PARP8: variants seen among roughly 807,000 people sequenced by gnomAD.
The protein encoded by PARP8 is poly(ADP-ribose) polymerase family member 8.
A neutral mutation model predicts 124.1 loss-of-function variants in PARP8; 51 were observed. That is an observed-to-expected ratio of 0.41 (90% CI 0.33 to 0.52). The LOEUF is 0.52. Among genes scored for constraint, PARP8 ranks in the 20% least tolerant of loss-of-function variants. PARP8 has a pLI of 0.21. For missense variants in PARP8, 860 were observed against 1,018.9 expected, an observed-to-expected ratio of 0.84 and a Z score of 2.12; for synonymous variants, 391 against 361.5, an observed-to-expected ratio of 1.08 and a Z score of -0.93.
At chr5:50,670,062 G>A (rs535241658) in intron 2 of PARP8, among the ~76,000 whole-genome samples, 8 of 152,268 alleles carry the variant, frequency 5.3e-5, no homozygotes, top group African/African-American at 1.7e-4. Flanking sequence ...ACCTAATGGC[G>A]AATACCTTTT....
rs10053011 is a variant in PARP8 at position 50,833,911 on chromosome 5, A to G, written c.2308-68A>G. The G allele has an allele frequency of 7.7e-3, 10,432 of 1,350,080 alleles. 334 individuals are homozygous for G. Among genetic ancestry groups the G allele is most frequent in the African/African-American group, 0.074 (5,091 of 69,172 alleles). The allele number at this position is 1,350,080 out of a possible 1,614,324, so 83.6% of individuals were successfully genotyped here. ...CCATCTTAGTGACTATTACTTTTTA[A>G]TGATGAACAGCTTTTTTCACAAAGT... On this transcript the variant is annotated intron_variant, in intron 23 of 25. Transcript: ENST00000281631.
In PARP8 at chr5:50,750,986, A is replaced by G. The variant is rs1158515606; in HGVS notation, c.184+798A>G. Among the ~76,000 whole-genome samples, 4 of 151,900 alleles carry G rather than the reference A, an allele frequency of 2.6e-5. 1 individual carries two copies. The highest frequency in any genetic ancestry group is 4.2e-4 in the South Asian group (2 of 4,812). On this transcript the variant is annotated intron_variant, in intron 3 of 25. Coordinates refer to ENST00000281631, the MANE Select transcript of PARP8 (RefSeq NM_024615.4). ...GATAGTGTAGCATGTTTTTGATGCT[A>G]TGTTTGCCAAGTATGTTATGAAATA...
At chr5:50,730,973 A>AG (rs1756919633) in intron 2 of PARP8, among the ~76,000 whole-genome samples, 1 of 152,206 alleles carries the variant, frequency 6.6e-6, no homozygotes, top group Non-Finnish European at 1.5e-5. Flanking sequence ...ATGTTCAGGA[A>AG]TACTTTGAGC....
chr5:50,668,293 G>A, intron 2 of PARP8, 168 bp downstream of exon 2: 5 of 643,700 alleles, frequency 7.8e-6, no homozygotes, highest in Non-Finnish European at 1.4e-5. Flanking sequence ...ATAGCAGGAG[G>A]AGGGGAATCA....
chr5:50,801,171 G>A (rs1258419147), intron 14 of PARP8, among the ~76,000 whole-genome samples: 3 of 151,784 alleles, frequency 2.0e-5, no homozygotes, highest in Admixed American at 2.0e-4. Flanking sequence ...CATGATCTCG[G>A]CTCACTGCAA....
At chr5:50,723,338 A>G (rs976618710) in intron 2 of PARP8, among the ~76,000 whole-genome samples, 1 of 152,142 alleles carries the variant, frequency 6.6e-6, no homozygotes, top group African/African-American at 2.4e-5. Flanking sequence ...TGTATTCTCT[A>G]CTAGGTATAG....
At chr5:50,706,151 G>A (rs185045281) in intron 2 of PARP8, among the ~76,000 whole-genome samples, 2 of 152,000 alleles carry the variant, frequency 1.3e-5, no homozygotes, top group Admixed American at 6.6e-5. Context: ...TTTAAAATTG[G>A]TATCAGTGTT....
chr5:50,813,061 G>A (rs1017079724), intron 14 of PARP8, among the ~76,000 whole-genome samples: 1 of 152,174 alleles, frequency 6.6e-6, no homozygotes, highest in African/African-American at 2.4e-5. Context: ...GCTTAGGATT[G>A]TCTTAACAAT....
chr5:50,761,003 G>T (rs964900737), intron 5 of PARP8, among the ~76,000 whole-genome samples: 1 of 152,040 alleles, frequency 6.6e-6, no homozygotes, highest in African/African-American at 2.4e-5. Flanking sequence ...TTGAACAAAA[G>T]GATTGCTGAA....
rs754413501 is a variant in PARP8, at chr5:50,826,823, T to G, written c.1977+20T>G. 2 of 1,592,308 alleles carry G rather than the reference T, an allele frequency of 1.3e-6. No individual in the cohort carries two copies. Among genetic ancestry groups the G allele is most frequent in the South Asian group, 2.3e-5 (2 of 85,368 alleles). On this transcript the variant is annotated intron_variant, in intron 19 of 25. Coordinates refer to ENST00000281631, the MANE Select transcript of PARP8 (RefSeq NM_024615.4). ...AACAGGGTAAGTTGTTTTTTTTTTT[T>G]TTACATATGCATACAGAAATGGGAG...
At chr5:50,825,383 T>C (rs1022913443) in intron 18 of PARP8, among the ~76,000 whole-genome samples, 2 of 152,338 alleles carry the variant, frequency 1.3e-5, no homozygotes, top group East Asian at 3.9e-4. Flanking sequence ...AAATAAATGT[T>C]TTATATTTTG....
At chr5:50,672,299 T>C (rs1750119461) in intron 2 of PARP8, among the ~76,000 whole-genome samples, 1 of 152,228 alleles carries the variant, frequency 6.6e-6, no homozygotes. Flanking sequence ...AATTCTCTCC[T>C]ATGCGTTGCA....
chr5:50,718,162 A>G (rs984669560), intron 2 of PARP8, among the ~76,000 whole-genome samples: 17 of 152,034 alleles, frequency 1.1e-4, no homozygotes, highest in African/African-American at 4.1e-4. Context: ...AAATTTCACA[A>G]GTGAAGTTGA....
At chr5:50,718,691 G>A (rs1755566273) in intron 2 of PARP8, among the ~76,000 whole-genome samples, 1 of 151,784 alleles carries the variant, frequency 6.6e-6, no homozygotes, top group East Asian at 1.9e-4. Context: ...TTGTGTATCT[G>A]TACCACATTT....
intron 3 of PARP8, among the ~76,000 whole-genome samples, chr5:50,755,058 T>A (rs978446881): frequency 2.6e-5 from 4 of 152,220 alleles, no homozygotes; most frequent in Non-Finnish European, 4.4e-5. Context: ...TTGTTGGAGT[T>A]CTTTGTAGAT....
At chr5:50,787,789 A>G (rs1357900403) in intron 9 of PARP8, among the ~76,000 whole-genome samples, 1 of 151,336 alleles carries the variant, frequency 6.6e-6, no homozygotes, top group Non-Finnish European at 1.5e-5. Flanking sequence ...GTATATATGT[A>G]TTTTTATATA....
At chr5:50,676,853 T>TAA (rs1554041009) in intron 2 of PARP8, among the ~76,000 whole-genome samples, 1 of 152,204 alleles carries the variant, frequency 6.6e-6, no homozygotes, top group African/African-American at 2.4e-5. Flanking sequence ...AACCCCTTTT[T>TAA]TAAGGCAATG....
chr5:50,688,518 T>C lies in PARP8; in HGVS notation c.146+20393T>C, dbSNP rs114415040. ...AATGCATGTGGTGGGGATAATGATA[T>C]GTAAATATTTTAATTTTTTGGACAA... On this transcript the variant is annotated intron_variant, in intron 2 of 25. Coordinates refer to ENST00000281631, the MANE Select transcript of PARP8 (RefSeq NM_024615.4). Among the ~76,000 whole-genome samples, 844 of 152,182 alleles carry C rather than the reference T, an allele frequency of 5.5e-3. 7 individuals are homozygous for C. The highest frequency in any genetic ancestry group is 0.019 in the African/African-American group (790 of 41,402).
At chr5:50,834,803 ATTT>A in intron 24 of PARP8, 125 bp from the exon 25 acceptor site, 1 of 784,806 alleles carries the variant, frequency 1.3e-6, no homozygotes, top group East Asian at 2.7e-5. Flanking sequence ...AGGCTAAACA[ATTT>A]TTATGTGTTC....
Sources: gnomAD v4.1 joint callset for allele counts (sites outside exome capture counted in the v4.1 genomes callset) on GRCh38, gnomAD v4.1.1 for gene constraint, MANE v1.5 for transcripts, NCBI Gene and HGNC (gene_info 2026-07-23, HGNC 2026-07-21) for gene names.